Variants in PCNX2 observed in about 807,000 individuals in gnomAD.
PCNX2 encodes the protein pecanex 2, also known as pecanex-like protein 2.
A neutral mutation model predicts 223.8 loss-of-function variants in PCNX2; 168 were observed. The ratio of observed to expected loss-of-function variants is 0.75; its 90% CI spans 0.66 to 0.85. The LOEUF (loss-of-function observed/expected upper bound fraction) is 0.85. PCNX2 is among the 40% of genes least tolerant of loss of function. The pLI is 0.00. For synonymous variants in PCNX2, 1,006 were observed against 1,052.6 expected, an observed-to-expected ratio of 0.96 and a Z score of 0.86; for missense variants, 2,507 against 2,675.5, an observed-to-expected ratio of 0.94 and a Z score of 1.39.
At chr1:233,199,835 C>G (rs540190891) in intron 14 of PCNX2, among the ~76,000 whole-genome samples, 1 of 152,080 alleles carries the variant, frequency 6.6e-6, no homozygotes, top group African/African-American at 2.4e-5. Flanking sequence ...TATCCACTCA[C>G]ACATGCTCAC....
rs1335564608 is a variant in PCNX2, at chr1:233,252,352, A to C, written c.2128+2T>G. 1 of 1,603,604 alleles carries C rather than the reference A, an allele frequency of 6.2e-7. No individual in the cohort carries two copies. Among genetic ancestry groups the C allele is most frequent in the African/African-American group, 1.3e-5 (1 of 74,656 alleles). On this transcript the variant is annotated splice_donor_variant, in intron 7 of 33. Transcript: ENST00000258229. LOFTEE classifies it high-confidence loss of function. ...CATTAGTAAAGAGCTCCAAAGACTCACCATGTTCATCAATGAAGACATGCA... is the reference window on the plus strand; with the variant it reads ...CATTAGTAAAGAGCTCCAAAGACTCCCCATGTTCATCAATGAAGACATGCA...
intron 22 of PCNX2, among the ~76,000 whole-genome samples, chr1:233,093,051 G>A (rs1270255361): frequency 1.3e-5 from 2 of 152,082 alleles, no homozygotes; most frequent in African/African-American, 2.4e-5. Context: ...TGCCCTCCTT[G>A]GCCTCCCAAA....
chr1:233,021,399 C>T (rs770445818), intron 26 of PCNX2, among the ~76,000 whole-genome samples: 2 of 152,134 alleles, frequency 1.3e-5, no homozygotes, highest in Non-Finnish European at 2.9e-5. Context: ...ACTGATTAAA[C>T]AATATAAGTC....
At chr1:233,182,477 A>AG (rs2102864620) in intron 15 of PCNX2, among the ~76,000 whole-genome samples, 1 of 152,178 alleles carries the variant, frequency 6.6e-6, no homozygotes, top group East Asian at 1.9e-4. Context: ...TCCTTTGTAT[A>AG]GTGACAGAGT....
intron 3 of PCNX2, 57 bp downstream of exon 3, chr1:233,261,988 G>A (rs1660076072): frequency 2.5e-6 from 4 of 1,603,230 alleles, no homozygotes; most frequent in Non-Finnish European, 3.4e-6. Context: ...CCCATTCTAG[G>A]TGAGATCAAC....
the PCNX2 span, among the ~76,000 whole-genome samples, chr1:233,302,115 A>G: frequency 3.9e-5 from 6 of 152,280 alleles, no homozygotes; most frequent in Admixed American, 3.3e-4. Context: ...TTGAAAAGAG[A>G]GAAAGAAAAT....
At chr1:233,174,651 T>A (rs1292710737) in intron 17 of PCNX2, among the ~76,000 whole-genome samples, 1 of 152,084 alleles carries the variant, frequency 6.6e-6, no homozygotes, top group Non-Finnish European at 1.5e-5. Context: ...ATAGGCTTTT[T>A]TTTGTTTCTA....
At chr1:233,168,303 G>A (rs1678923741) in intron 17 of PCNX2, among the ~76,000 whole-genome samples, 1 of 152,040 alleles carries the variant, frequency 6.6e-6, no homozygotes, top group Non-Finnish European at 1.5e-5. Flanking sequence ...TAGTATTTTT[G>A]TGTTTTCTGA....
In PCNX2 at chr1:233,139,750, G is replaced by A; in HGVS notation, c.3623C>T (p.Ala1208Val). The stretch of plus-strand genomic sequence containing the variant: ...TCTCCGGTGATTGCTTATTAAAAAT[G>A]CATCAATAGTGAGGGCATTCAAAAT... The part of the protein sequence containing the change: ...ALILNALTID[A>V]FLISNHRRLG... The change falls in exon 20 of 34, where the codon GCA becomes GTA. Residue 1208 changes from alanine (A) to valine (V), a missense_variant. Physicochemically the swap from Ala to Val is moderately conservative, Grantham distance 64. Transcript: ENST00000258229. The surrounding 1 kb of genome is among the most constrained non-coding windows in gnomAD (Gnocchi z 4.4). 1 of 1,609,256 alleles carries A rather than the reference G, an allele frequency of 6.2e-7. No homozygotes were observed. The highest frequency in any genetic ancestry group is 1.1e-5 in the South Asian group (1 of 90,088).
chr1:233,162,112 A>G (rs947913478), intron 17 of PCNX2, among the ~76,000 whole-genome samples: 2 of 152,070 alleles, frequency 1.3e-5, no homozygotes, highest in Non-Finnish European at 2.9e-5. Flanking sequence ...ACAAAACTGT[A>G]GTGTAAGCAG....
chr1:233,181,604 C>G (rs1679806856), intron 15 of PCNX2, among the ~76,000 whole-genome samples: 2 of 152,178 alleles, frequency 1.3e-5, no homozygotes, highest in African/African-American at 4.8e-5. Context: ...AAGAAAATAT[C>G]ATAGACTGGG....
chr1:233,229,643 T>C lies in PCNX2; in HGVS notation c.2359-2272A>G, dbSNP rs546931716. ...AGCATTCCTTCCAATAGGAGAAAAA[T>C]GCCTTCTTAAAGCGGGGTTTCATAT... On this transcript the variant is annotated intron_variant, in intron 9 of 33. Transcript: ENST00000258229. Among the ~76,000 whole-genome samples, 3 of 152,220 alleles carry C rather than the reference T, an allele frequency of 2.0e-5. No homozygotes were observed. In the East Asian group the frequency reaches 5.8e-4, roughly 29 times the overall value.
At chr1:233,257,264 T>TTTTC (rs75604734) in intron 5 of PCNX2, among the ~76,000 whole-genome samples, 76,329 of 151,704 alleles carry the variant, frequency 0.5, 20,713 homozygotes, top group East Asian at 0.64. Context: ...ACTTACTAGA[T>TTTTC]ACTTGGGAAA....
At chr1:233,110,027 T>A (rs1675026429) in intron 21 of PCNX2, among the ~76,000 whole-genome samples, 1 of 152,034 alleles carries the variant, frequency 6.6e-6, no homozygotes, top group Non-Finnish European at 1.5e-5. Flanking sequence ...AGGCAGAGGT[T>A]ATAGTGAGCT....
chr1:233,210,609 C>T (rs949657611), intron 12 of PCNX2: 1 of 985,220 alleles, frequency 1.0e-6, no homozygotes, highest in African/African-American at 1.7e-5. Flanking sequence ...TTTCTGAGAA[C>T]ACCTGTTAAT....
At chr1:233,015,910 A>G (rs1670641024) in intron 27 of PCNX2, among the ~76,000 whole-genome samples, 1 of 151,682 alleles carries the variant, frequency 6.6e-6, no homozygotes. Flanking sequence ...AAAAAAAAAA[A>G]GGGAGGGAGA....
At chr1:233,261,992 GATC>G (rs1660076343) in intron 3 of PCNX2, 50 bp downstream of exon 3, 1 of 1,606,242 alleles carries the variant, frequency 6.2e-7, no homozygotes, top group Admixed American at 1.7e-5. Flanking sequence ...TTCTAGGTGA[GATC>G]AACATCGAAA....
chr1:233,048,752 C>G (rs1671902323), intron 25 of PCNX2, among the ~76,000 whole-genome samples: 1 of 151,956 alleles, frequency 6.6e-6, no homozygotes. Flanking sequence ...GATTGATAGA[C>G]CACTAACTAG....
chr1:233,128,344 G>T (rs968196375), intron 21 of PCNX2, among the ~76,000 whole-genome samples: 31 of 151,584 alleles, frequency 2.0e-4, no homozygotes, highest in East Asian at 1.6e-3. Context: ...TTTTGTTTTG[G>T]TTTTTTTTGA....
Sources: allele counts gnomAD v4.1 joint callset (sites outside exome capture counted in the v4.1 genomes callset), GRCh38; gene constraint gnomAD v4.1.1; non-coding constraint Gnocchi (gnomAD v3.1); transcripts MANE v1.5; gene names NCBI Gene and HGNC (gene_info 2026-07-23, HGNC 2026-07-21).